The following FHIT variants were observed in gnomAD, a reference collection of about 807,000 sequenced individuals.
The protein encoded by FHIT is bis(5'-adenosyl)-triphosphatase.
FHIT carries 19 observed loss-of-function variants against 17.9 expected under a neutral mutation model. The observed-to-expected ratio is 1.06, with a 90% CI of 0.74 to 1.56. The LOEUF (loss-of-function observed/expected upper bound fraction) is 1.56. Among genes scored for constraint, FHIT ranks in the 40% most tolerant of loss-of-function variants. The probability of loss-of-function intolerance (pLI) is 0.00; values close to 1 mark genes in which losing one functional copy is unlikely to be tolerated. For missense variants in FHIT, 248 were observed against 189.2 expected, an observed-to-expected ratio of 1.31 and a Z score of -1.82; for synonymous variants, 81 against 69.7, an observed-to-expected ratio of 1.16 and a Z score of -0.81.
At chr3:60,442,630 A>T (rs992475723) in intron 5 of FHIT, among the ~76,000 whole-genome samples, 4 of 152,052 alleles carry the variant, frequency 2.6e-5, no homozygotes, top group Admixed American at 2.6e-4. Context: ...CCATTGGTCT[A>T]TATCTCTGTT....
chr3:60,719,599 G>A (rs531864450), intron 4 of FHIT, among the ~76,000 whole-genome samples: 32 of 152,262 alleles, frequency 2.1e-4, no homozygotes, highest in South Asian at 4.1e-4. Context: ...AACTGGCAGC[G>A]TCAGCAGCAT....
chr3:60,209,507 C>G (rs1703352741), intron 5 of FHIT, among the ~76,000 whole-genome samples: 1 of 152,140 alleles, frequency 6.6e-6, no homozygotes, highest in Non-Finnish European at 1.5e-5. Flanking sequence ...CTGATTTGGT[C>G]CAGACAATCC....
intron 4 of FHIT, among the ~76,000 whole-genome samples, chr3:60,585,357 G>A (rs2037873621): frequency 6.6e-6 from 1 of 151,952 alleles, no homozygotes; most frequent in Non-Finnish European, 1.5e-5. Flanking sequence ...TCAGACACAG[G>A]TGCATTTTGT....
At chr3:60,321,291 G>T (rs1346497591) in intron 5 of FHIT, among the ~76,000 whole-genome samples, 1 of 152,092 alleles carries the variant, frequency 6.6e-6, no homozygotes, top group African/African-American at 2.4e-5. Flanking sequence ...ATCAGCCTGG[G>T]CAACATGGTG....
chr3:60,438,633 C>T (rs945242888), intron 5 of FHIT, among the ~76,000 whole-genome samples: 1 of 152,268 alleles, frequency 6.6e-6, no homozygotes, highest in South Asian at 2.1e-4. Context: ...TCAAAAATTA[C>T]ACACTGTTAA....
chr3:60,519,715 A>G (rs573395175), intron 5 of FHIT, among the ~76,000 whole-genome samples: 3 of 152,320 alleles, frequency 2.0e-5, no homozygotes, highest in African/African-American at 7.2e-5. Context: ...GTAGGTACAT[A>G]TCAAGGAATT....
intron 5 of FHIT, among the ~76,000 whole-genome samples, chr3:60,027,126 C>T (rs1047670501): frequency 7.8e-6 from 1 of 127,756 alleles, no homozygotes; most frequent in African/African-American, 3.2e-5. Flanking sequence ...CACACACACA[C>T]ACACACACAC....
chr3:60,634,678 G>GA (rs1460299113), intron 4 of FHIT, among the ~76,000 whole-genome samples: 1 of 152,146 alleles, frequency 6.6e-6, no homozygotes, highest in Non-Finnish European at 1.5e-5. Flanking sequence ...GCACCAAGAT[G>GA]AAAAAATCTT....
At chr3:61,204,354 T>A (rs890876898) in intron 1 of FHIT, among the ~76,000 whole-genome samples, 1 of 152,194 alleles carries the variant, frequency 6.6e-6, no homozygotes, top group African/African-American at 2.4e-5. Flanking sequence ...TATTATTTTC[T>A]TTAAACTGTA....
intron 8 of FHIT, among the ~76,000 whole-genome samples, chr3:59,874,854 T>G (rs1703082216): frequency 6.6e-6 from 1 of 152,180 alleles, no homozygotes. Flanking sequence ...TAGCACTCCC[T>G]TTCAGTTCAT....
At chr3:60,160,827 A>T (rs1051007552) in intron 5 of FHIT, among the ~76,000 whole-genome samples, 9 of 117,100 alleles carry the variant, frequency 7.7e-5, no homozygotes, top group Admixed American at 4.2e-4. Flanking sequence ...TGTGAGTGTG[A>T]CAGAGAGAGA....
At chr3:60,621,374 C>T (rs782574811) in intron 4 of FHIT, among the ~76,000 whole-genome samples, 6 of 151,986 alleles carry the variant, frequency 3.9e-5, no homozygotes, top group African/African-American at 1.2e-4. Context: ...TGGTCTCGAA[C>T]TCCTGACCTC....
At chr3:60,513,678 A>C (rs980112988) in intron 5 of FHIT, among the ~76,000 whole-genome samples, 7 of 152,228 alleles carry the variant, frequency 4.6e-5, no homozygotes, top group African/African-American at 1.7e-4. Flanking sequence ...ACACATGGAC[A>C]CAGGGAACAA....
intron 3 of FHIT, among the ~76,000 whole-genome samples, chr3:60,954,785 G>C (rs189910158): frequency 6.6e-6 from 1 of 152,272 alleles, no homozygotes; most frequent in African/African-American, 2.4e-5. Flanking sequence ...ATTAGGGAAG[G>C]CAAATATGAA....
intron 5 of FHIT, among the ~76,000 whole-genome samples, chr3:60,063,744 A>G (rs909657132): frequency 1.3e-5 from 2 of 152,202 alleles, no homozygotes; most frequent in African/African-American, 2.4e-5. Context: ...TGCCCTACAG[A>G]TATACTTCCA....
intron 3 of FHIT, among the ~76,000 whole-genome samples, chr3:60,961,241 G>C (rs1201105388): frequency 9.9e-5 from 15 of 152,174 alleles, no homozygotes; most frequent in African/African-American, 2.2e-4. Context: ...CTTTTGAGAA[G>C]TGTCTGTTCA....
Position 60,187,674 on chromosome 3 carries a change from G to T in FHIT, c.104-173522C>A, listed in dbSNP as rs116607728. Among the ~76,000 whole-genome samples, 604 of 152,218 alleles carry T rather than the reference G, an allele frequency of 4.0e-3. 3 individuals are homozygous for T. Among genetic ancestry groups the T allele is most frequent in the Non-Finnish European group, 4.8e-3 (327 of 68,002 alleles). On this transcript the variant is annotated intron_variant, in intron 5 of 9. Coordinates refer to ENST00000492590, the MANE Select transcript of FHIT (RefSeq NM_002012.4). ...AGCAGCAAATAAATTTCAATAAACA[G>T]ATTTATTGTCCTATTTCAATACAAA...
chr3:60,432,000 G>C (rs1236988613), intron 5 of FHIT, among the ~76,000 whole-genome samples: 1 of 152,044 alleles, frequency 6.6e-6, no homozygotes, highest in Non-Finnish European at 1.5e-5. Flanking sequence ...TTCTGAGACA[G>C]GGTCTTACTC....
At chr3:59,924,499 G>A (rs530107022) in intron 7 of FHIT, among the ~76,000 whole-genome samples, 3 of 152,280 alleles carry the variant, frequency 2.0e-5, no homozygotes, top group Non-Finnish European at 4.4e-5. Flanking sequence ...TATAATGGTT[G>A]CTACCTCACA....
Sources: allele counts gnomAD v4.1 joint callset (sites outside exome capture counted in the v4.1 genomes callset), GRCh38; gene constraint gnomAD v4.1.1; transcripts MANE v1.5; gene names NCBI Gene and HGNC (gene_info 2026-07-23, HGNC 2026-07-21).